The following MRGPRF variants were observed in gnomAD, a reference collection of about 807,000 sequenced individuals.
MRGPRF encodes the protein MAS related GPR family member F.
In MRGPRF, 2 loss-of-function variants were observed where a neutral mutation model predicts 3.3. That is an observed-to-expected ratio of 0.61 (90% CI 0.25 to 1.92). The LOEUF is 1.92. Among genes scored for constraint, MRGPRF ranks in the 40% most tolerant of loss-of-function variants. MRGPRF has a pLI of 0.16. For missense variants in MRGPRF, 500 were observed against 476.0 expected, an observed-to-expected ratio of 1.05 and a Z score of -0.47; for synonymous variants, 242 against 222.7, an observed-to-expected ratio of 1.09 and a Z score of -0.77.
intron 1 of MRGPRF, chr11:69,012,521 C>G (rs559565534): frequency 1.3e-5 from 2 of 152,434 alleles, no homozygotes; most frequent in African/African-American, 4.8e-5. Context: ...AGGCCAACAG[C>G]TTCATCAGGC....
rs1031909654 is a variant in MRGPRF at position 69,013,223 on chromosome 11, G to A, written c.-197C>T. The A allele has an allele frequency of 6.6e-6, 1 of 152,272 alleles. No individual in the cohort carries two copies. The highest frequency in any genetic ancestry group is 1.5e-5 in the Non-Finnish European group (1 of 68,080). The allele number at this position is 152,272 out of a possible 1,614,324, so 9.4% of individuals were successfully genotyped here. On this transcript the variant is annotated 5_prime_UTR_variant, in exon 1 of 3. Coordinates refer to ENST00000309099, the MANE Select transcript of MRGPRF (RefSeq NM_145015.5). Reference sequence around the variant, plus strand: ...CCTTGGAAAATAGGAGCTCAGAGTAGAGCCCTCTCCTGCTGGAAGAGATGG... The same window carrying A: ...CCTTGGAAAATAGGAGCTCAGAGTAAAGCCCTCTCCTGCTGGAAGAGATGG...
In MRGPRF at chr11:69,005,340, C is replaced by G. The variant is rs866706538; in HGVS notation, c.970G>C (p.Gly324Arg). The stretch of plus-strand genomic sequence containing the variant: ...GTGACTGTGTTGGGCGTGCTGCCCC[C>G]GGCCTCCCCCAGCTCAGCGCCGTCC... ...LRDGAELGEA[G>R]GSTPNTVTME... is the part of the protein sequence containing the mutation. The change falls in exon 3 of 3, where the codon GGG becomes CGG. Residue 324 changes from glycine (G) to arginine (R), a missense_variant. Coordinates refer to ENST00000309099, the MANE Select transcript of MRGPRF (RefSeq NM_145015.5). The G allele has an allele frequency of 1.9e-6, 3 of 1,560,312 alleles. No individual in the cohort carries two copies. The highest frequency in any genetic ancestry group is 4.7e-5 in the East Asian group (2 of 42,244).
intron 2 of MRGPRF, among the ~76,000 whole-genome samples, chr11:69,008,224 C>G (rs920066576): frequency 2.6e-5 from 4 of 152,204 alleles, no homozygotes; most frequent in Non-Finnish European, 5.9e-5. Context: ...AACAACCCAT[C>G]TATCTACAGG....
At chr11:69,006,469 C>G (rs1406951610) in intron 2 of MRGPRF, among the ~76,000 whole-genome samples, 1 of 152,134 alleles carries the variant, frequency 6.6e-6, no homozygotes, top group African/African-American at 2.4e-5. Flanking sequence ...AACTCTCCGT[C>G]CCAGCGTCTA....
chr11:69,009,908 G>T lies in MRGPRF; in HGVS notation c.-7C>A. The T allele has an allele frequency of 1.2e-6, 2 of 1,603,566 alleles. No individual in the cohort carries two copies. On this transcript the variant is annotated 5_prime_UTR_variant, in exon 2 of 3. Coordinates refer to ENST00000309099, the MANE Select transcript of MRGPRF (RefSeq NM_145015.5). The stretch of plus-strand genomic sequence containing the variant: ...AGGAGCAGTTTCCAGCCATCTCCAG[G>T]CCTGGCGCGTCTGGGCCCCTGCTGG...
upstream of MRGPRF, chr11:69,013,543 G>A (rs2154013167): frequency 6.5e-6 from 1 of 152,830 alleles, no homozygotes; most frequent in South Asian, 2.1e-4. Flanking sequence ...GGCGTCTTTG[G>A]TCTGCCCCCA....
In MRGPRF at chr11:69,006,207, TGGTCAGGAA is replaced by T. The variant is rs1566470156; in HGVS notation, c.94_102del (p.Phe32_Thr34del). On this transcript the variant is annotated inframe_deletion, in exon 3 of 3. Coordinates refer to ENST00000309099, the MANE Select transcript of MRGPRF (RefSeq NM_145015.5). ...GGCGGCAGCATCGCGATCTGCTCGATGGTCAGGAAGCCCCGGCTGTAGAGTTCCGGGGCC... is the reference window on the plus strand; with the variant it reads ...GGCGGCAGCATCGCGATCTGCTCGATGCCCCGGCTGTAGAGTTCCGGGGCC... The T allele has an allele frequency of 6.2e-7, 1 of 1,613,642 alleles. No homozygotes were observed. Among genetic ancestry groups the T allele is most frequent in the East Asian group, 2.2e-5 (1 of 44,866 alleles).
chr11:69,007,356 C>G (rs1860510970), intron 2 of MRGPRF, among the ~76,000 whole-genome samples: 1 of 152,176 alleles, frequency 6.6e-6, no homozygotes, highest in Non-Finnish European at 1.5e-5. Flanking sequence ...TACAGGCACG[C>G]ACCGCCATGC....
In MRGPRF at chr11:69,005,421, C is replaced by A; in HGVS notation, c.889G>T (p.Asp297Tyr). Residue 297 changes from aspartate to tyrosine, a missense_variant, in exon 3 of 3, where the codon GAC becomes TAC. Coordinates refer to ENST00000309099, the MANE Select transcript of MRGPRF (RefSeq NM_145015.5). ...GGCTCCCACAGCCGCTGCGACTTGT[C>A]CCTCCCGGCCAGGAAGTAGACGATG... ...KPIVYFLAGRDKSQRLWEPLR... is the reference protein window; with the variant it reads ...KPIVYFLAGRYKSQRLWEPLR... 1 of 1,586,572 alleles carries A rather than the reference C, an allele frequency of 6.3e-7. No homozygotes were observed. Among genetic ancestry groups the A allele is most frequent in the Admixed American group, 1.8e-5 (1 of 56,248 alleles).
At chr11:69,008,553 G>C (rs1476991007) in intron 2 of MRGPRF, among the ~76,000 whole-genome samples, 1 of 152,220 alleles carries the variant, frequency 6.6e-6, no homozygotes, top group Non-Finnish European at 1.5e-5. Flanking sequence ...AGGACTGAAG[G>C]TGTTGGCAAA....
At position 69,005,985 on chromosome 11, in the gene MRGPRF, C is replaced by T. The variant is rs754721808; in HGVS notation, c.325G>A (p.Gly109Ser). 1 of 1,565,208 alleles carries T rather than the reference C, an allele frequency of 6.4e-7. No homozygotes were observed. The highest frequency in any genetic ancestry group is 2.4e-5 in the East Asian group (1 of 42,276). Residue 109 changes from glycine (G) to serine (S), a missense_variant, in exon 3 of 3, where the codon GGC becomes AGC. Coordinates refer to ENST00000309099, the MANE Select transcript of MRGPRF (RefSeq NM_145015.5). ...CTGCGGATGTAGTCGGCAAACGTGC[C>T]CAGGAAGCCCCCCGTGTTCAGGATG... ...FSILNTGGFL[G>S]TFADYIRSVC... is the part of the protein sequence containing the mutation.
chr11:69,007,428 G>A (rs1477127434), intron 2 of MRGPRF, among the ~76,000 whole-genome samples: 10 of 152,168 alleles, frequency 6.6e-5, no homozygotes, highest in Non-Finnish European at 1.5e-4. Context: ...GACTGGTCTC[G>A]ATCTCTTGAC....
Position 69,005,676 on chromosome 11 carries a change from G to A in MRGPRF, c.634C>T (p.Leu212Phe). ...AGGGCCAGGCAGGGCAGCACCATGA[G>A]CGGGCAGCAGAGCAGGAACAGGAGG... Reference protein sequence around the residue: ...GILLFLLCCPLMVLPCLALIL... With the variant: ...GILLFLLCCPFMVLPCLALIL... The change falls in exon 3 of 3, where the codon CTC becomes TTC. Residue 212 changes from leucine (L) to phenylalanine (F), a missense_variant. Coordinates refer to ENST00000309099, the MANE Select transcript of MRGPRF (RefSeq NM_145015.5). 4.5e-6 allele frequency: 7 copies of A among 1,551,562 alleles called. No individual in the cohort carries two copies. The highest frequency in any genetic ancestry group is 6.1e-6 in the Non-Finnish European group (7 of 1,147,320).
At chr11:69,012,034 A>G (rs559864617) in intron 1 of MRGPRF, among the ~76,000 whole-genome samples, 13 of 152,380 alleles carry the variant, frequency 8.5e-5, no homozygotes, top group African/African-American at 3.1e-4. Context: ...AGAAGCCAGC[A>G]GACCCCAGAT....
Position 69,005,817 on chromosome 11 carries a change from C to A in MRGPRF, c.493G>T (p.Ala165Ser), listed in dbSNP as rs775905409. Reference protein sequence around the residue: ...RPKRLSAVVCALLWVLSLLVT... With the variant: ...RPKRLSAVVCSLLWVLSLLVT... ...AGGAGGGACAGGACCCACAGCAGGG[C>A]GCACACCACGGCCGACAGGCGCTTG... The change falls in exon 3 of 3, where the codon GCC (alanine) becomes TCC (serine). Residue 165 changes from alanine (A) to serine (S), a missense_variant. Coordinates refer to ENST00000309099, the MANE Select transcript of MRGPRF (RefSeq NM_145015.5). 4.6e-6 allele frequency: 7 copies of A among 1,532,560 alleles called. No homozygotes were observed. Among genetic ancestry groups the A allele is most frequent in the Non-Finnish European group, 6.1e-6 (7 of 1,139,378 alleles). 94.9% of individuals were successfully genotyped at this position (1,532,560 alleles called of 1,614,324 possible).
chr11:69,007,022 T>C (rs1010389745), intron 2 of MRGPRF, among the ~76,000 whole-genome samples: 1 of 152,242 alleles, frequency 6.6e-6, no homozygotes, highest in African/African-American at 2.4e-5. Context: ...GAGGATATCG[T>C]TGGGACCACT....
Position 69,005,375 on chromosome 11 carries a change from C to A in MRGPRF, c.935G>T (p.Arg312Leu). ...LWEPLRVVFQ[R>L]ALRDGAELGE... is the part of the protein sequence containing the mutation. ...CAGCTCAGCGCCGTCCCGCAGGGCCCGCTGGAAGACCACCCTGAGCGGCTC... is the reference window on the plus strand; with the variant it reads ...CAGCTCAGCGCCGTCCCGCAGGGCCAGCTGGAAGACCACCCTGAGCGGCTC... Residue 312 changes from arginine (R) to leucine (L), a missense_variant, in exon 3 of 3, where the codon CGG (arginine) becomes CTG (leucine). By Grantham distance (102) the Arg-to-Leu change is moderately radical. Coordinates refer to ENST00000309099, the MANE Select transcript of MRGPRF (RefSeq NM_145015.5). The A allele has an allele frequency of 6.4e-7, 1 of 1,571,600 alleles. No individual in the cohort carries two copies. Among genetic ancestry groups the A allele is most frequent in the Non-Finnish European group, 8.6e-7 (1 of 1,159,130 alleles).
intron 2 of MRGPRF, 113 bp from the exon 3 acceptor site, chr11:69,006,374 G>A: frequency 7.9e-7 from 1 of 1,264,800 alleles, no homozygotes; most frequent in Non-Finnish European, 1.1e-6. Context: ...ACTTGGGGCA[G>A]GGAGGGGGTC....
intron 1 of MRGPRF, among the ~76,000 whole-genome samples, chr11:69,011,335 C>T (rs984424249): frequency 6.6e-6 from 1 of 152,216 alleles, no homozygotes; most frequent in Non-Finnish European, 1.5e-5. Flanking sequence ...GCCTGGCTCC[C>T]CTCGGCCCCG....
Sources: gnomAD v4.1 joint callset for allele counts (sites outside exome capture counted in the v4.1 genomes callset) on GRCh38, gnomAD v4.1.1 for gene constraint, MANE v1.5 for transcripts, NCBI Gene and HGNC (gene_info 2026-07-23, HGNC 2026-07-21) for gene names.